The following ACCSL variants were observed in gnomAD, a reference collection of about 807,000 sequenced individuals.
ACCSL encodes 1-aminocyclopropane-1-carboxylate synthase homolog (inactive) like.
A neutral mutation model predicts 61.7 loss-of-function variants in ACCSL; 55 were observed. That is an observed-to-expected ratio of 0.89 (90% CI 0.72 to 1.12). ACCSL has a LOEUF of 1.12. ACCSL is among the 50% of genes most tolerant of loss of function. The pLI is 0.00. For synonymous variants in ACCSL, 258 were observed against 264.3 expected (o/e 0.98, Z 0.23); for missense variants, 632 against 698.0 (o/e 0.91, Z 1.07).
rs763059170 is a variant in ACCSL, at chr11:44,048,074, G to A, written c.38G>A (p.Gly13Asp). ...TCAGACACCCTTCCTGTGCCCTCTG[G>A]TCAGAGGAGAGGCCGGGTCCCCAGA... Reference protein sequence around the residue: ...HRSDTLPVPSGQRRGRVPRDH... With the variant: ...HRSDTLPVPSDQRRGRVPRDH... Residue 13 changes from glycine to aspartate, a missense_variant, in exon 1 of 14, where the codon GGT (glycine) becomes GAT (aspartate). Coordinates refer to ENST00000378832, the MANE Select transcript of ACCSL (RefSeq NM_001031854.2). 2 of 1,613,976 alleles carry A rather than the reference G, an allele frequency of 1.2e-6. No individual in the cohort carries two copies. Among genetic ancestry groups the A allele is most frequent in the East Asian group, 2.2e-5 (1 of 44,892 alleles).
At chr11:44,033,813 G>A in the ACCSL span, among the ~76,000 whole-genome samples, 4 of 152,120 alleles carry the variant, frequency 2.6e-5, no homozygotes, top group Non-Finnish European at 5.9e-5. Flanking sequence ...TCACTGAGCC[G>A]CAGCTCTGGC....
intron 3 of ACCSL, among the ~76,000 whole-genome samples, chr11:44,051,003 A>G (rs1334745116): frequency 6.6e-6 from 1 of 151,730 alleles, no homozygotes; most frequent in Non-Finnish European, 1.5e-5. Context: ...CACCACGCCC[A>G]GCTAATTTTT....
chr11:44,041,101 G>C, the ACCSL span, among the ~76,000 whole-genome samples: 1 of 152,230 alleles, frequency 6.6e-6, no homozygotes, highest in Non-Finnish European at 1.5e-5. Context: ...GGCAGTGCTT[G>C]AATAATGTTT....
the ACCSL span, among the ~76,000 whole-genome samples, chr11:43,997,084 T>G: frequency 6.6e-6 from 1 of 152,030 alleles, no homozygotes; most frequent in Non-Finnish European, 1.5e-5. Flanking sequence ...GTATTGAGAT[T>G]ACAGGCATGA....
chr11:44,052,594 G>T, intron 5 of ACCSL, 68 bp from the exon 6 acceptor site: 1 of 1,350,224 alleles, frequency 7.4e-7, no homozygotes, highest in Non-Finnish European at 1.1e-6. Flanking sequence ...TTGCTAGTTT[G>T]GGGAGCCTGG....
chr11:44,021,208 G>A, the ACCSL span, among the ~76,000 whole-genome samples: 1 of 152,152 alleles, frequency 6.6e-6, no homozygotes, highest in Non-Finnish European at 1.5e-5. Flanking sequence ...GTTTCCCATA[G>A]TGGTTGTACT....
chr11:44,001,395 G>A, the ACCSL span, among the ~76,000 whole-genome samples: 1 of 151,728 alleles, frequency 6.6e-6, no homozygotes, highest in African/African-American at 2.4e-5. Context: ...TTTCTGTTCA[G>A]TCTTTTGTTA....
chr11:44,047,924 C>A, upstream of ACCSL: 2 of 1,323,772 alleles, frequency 1.5e-6, no homozygotes, highest in Non-Finnish European at 2.1e-6. Flanking sequence ...TGTTCTGTCT[C>A]CATCCATTCC....
At chr11:43,945,920 G>T in the ACCSL span, among the ~76,000 whole-genome samples, 4 of 152,154 alleles carry the variant, frequency 2.6e-5, no homozygotes, top group Non-Finnish European at 5.9e-5. Context: ...GGGTCTCCTT[G>T]GGTTACCCCA....
At chr11:44,030,981 AGGAACACACAAAAGGCAG>A in the ACCSL span, among the ~76,000 whole-genome samples, 1 of 152,344 alleles carries the variant, frequency 6.6e-6, no homozygotes, top group East Asian at 1.9e-4. Flanking sequence ...AAGGCCTCCC[AGGAACACACAAAAGGCAG>A]GGATTTACAC....
chr11:44,057,246 A>T (rs575030789), intron 11 of ACCSL, among the ~76,000 whole-genome samples: 1 of 152,244 alleles, frequency 6.6e-6, no homozygotes, highest in Admixed American at 6.5e-5. Context: ...AGTTCCCTGT[A>T]ATAGAACAGA....
the ACCSL span, among the ~76,000 whole-genome samples, chr11:43,967,438 CA>C: frequency 2.6e-3 from 390 of 152,146 alleles, no homozygotes; most frequent in African/African-American, 9.2e-3. Flanking sequence ...CTCAGCCTCC[CA>C]AAGTGCTGCA....
the ACCSL span, among the ~76,000 whole-genome samples, chr11:43,964,532 A>G: frequency 6.6e-6 from 1 of 152,198 alleles, no homozygotes; most frequent in Admixed American, 6.5e-5. Flanking sequence ...AAACATTTTA[A>G]GAAGAATTAA....
the ACCSL span, among the ~76,000 whole-genome samples, chr11:43,966,771 A>C: frequency 6.6e-6 from 1 of 152,068 alleles, no homozygotes; most frequent in East Asian, 1.9e-4. Context: ...CTGGCTACTC[A>C]TCTGATAATT....
At chr11:43,964,766 C>T in the ACCSL span, among the ~76,000 whole-genome samples, 7,474 of 152,048 alleles carry the variant, frequency 0.049, 504 homozygotes, top group Admixed American at 0.19. Context: ...GGATTTATTC[C>T]AGGATGCAAG....
At chr11:44,034,825 C>T in the ACCSL span, among the ~76,000 whole-genome samples, 1 of 152,344 alleles carries the variant, frequency 6.6e-6, no homozygotes, top group African/African-American at 2.4e-5. Flanking sequence ...GAATGAACCT[C>T]ACAGAGTCCC....
chr11:43,967,166 TC>T, the ACCSL span, among the ~76,000 whole-genome samples: 5 of 122,946 alleles, frequency 4.1e-5, no homozygotes, highest in Non-Finnish European at 8.4e-5. Context: ...TTCTTCTTCT[TC>T]TTTTTTTTTT....
At chr11:43,959,303 C>T in the ACCSL span, among the ~76,000 whole-genome samples, 1 of 152,114 alleles carries the variant, frequency 6.6e-6, no homozygotes, top group Non-Finnish European at 1.5e-5. Context: ...ATATCCATGG[C>T]CTGACGTTGA....
At chr11:43,976,649 G>A in the ACCSL span, among the ~76,000 whole-genome samples, 1 of 152,160 alleles carries the variant, frequency 6.6e-6, no homozygotes, top group African/African-American at 2.4e-5. Flanking sequence ...TTCCATGCTG[G>A]AGTCTCCATT....
Sources: gnomAD v4.1 joint callset for allele counts (sites outside exome capture counted in the v4.1 genomes callset) on GRCh38, gnomAD v4.1.1 for gene constraint, MANE v1.5 for transcripts, NCBI Gene and HGNC (gene_info 2026-07-23, HGNC 2026-07-21) for gene names.